Variants in NFIA observed in about 807,000 individuals in gnomAD.
NFIA encodes the protein nuclear factor I A.
Under a neutral mutation model 62.8 loss-of-function variants are expected in NFIA, and 8 were observed. That is an observed-to-expected ratio of 0.13 (90% CI 0.07 to 0.23). The LOEUF (loss-of-function observed/expected upper bound fraction) is 0.23, where lower values mean the gene tolerates loss of function less well. Among genes scored for constraint, NFIA ranks in the 10% least tolerant of loss-of-function variants. The probability of loss-of-function intolerance (pLI) is 1.00; values close to 1 mark genes in which losing one functional copy is unlikely to be tolerated. For synonymous variants in NFIA, 235 were observed against 238.1 expected (o/e 0.99, Z 0.12); for missense variants, 410 against 642.1 (o/e 0.64, Z 3.91).
chr1:61,361,782 G>GGTGTGT lies in NFIA; in HGVS notation c.946+2547_946+2552dup, dbSNP rs61410878. 4.3e-3 allele frequency among the ~76,000 whole-genome samples: 606 copies of GGTGTGT among 142,248 alleles called. 2 individuals are homozygous for GGTGTGT. The highest frequency in any genetic ancestry group is 4.8e-3 in the African/African-American group (182 of 37,992). 93.3% of individuals were successfully genotyped at this position (142,248 alleles called of 152,430 possible). A position where few individuals can be genotyped will look rare whatever the true frequency, so the allele number is the denominator to read the frequency against. On this transcript the variant is annotated intron_variant, in intron 6 of 10. Coordinates refer to ENST00000403491, the MANE Select transcript of NFIA (RefSeq NM_001134673.4). ...AATGGCTGAATCCTTTTTGGTAAGA[G>GGTGTGT]GTGTGTGTGTGTGTGTGTGTGTGTG... is the stretch of plus-strand genomic sequence containing the variant.
At chr1:61,253,238 A>G (rs1656163980) in intron 2 of NFIA, among the ~76,000 whole-genome samples, 2 of 152,220 alleles carry the variant, frequency 1.3e-5, no homozygotes, top group Admixed American at 1.3e-4. Flanking sequence ...GGTTAGTGTC[A>G]GAGAAGTCTG....
intron 10 of NFIA, among the ~76,000 whole-genome samples, chr1:61,451,956 C>G (rs1668076505): frequency 6.6e-6 from 1 of 152,120 alleles, no homozygotes; most frequent in Non-Finnish European, 1.5e-5. Flanking sequence ...CCCCAACGAT[C>G]GAATAAGCTC....
intron 2 of NFIA, among the ~76,000 whole-genome samples, chr1:61,255,480 A>G (rs1656324159): frequency 6.6e-6 from 1 of 152,218 alleles, no homozygotes; most frequent in Non-Finnish European, 1.5e-5. Context: ...AATGGGGCAT[A>G]AGTCCGAATT....
chr1:61,082,095 G>A (rs760176774), upstream of NFIA: 14 of 1,497,056 alleles, frequency 9.4e-6, no homozygotes, highest in Non-Finnish European at 1.3e-5. Flanking sequence ...ACGAGGAAAA[G>A]TAGTTTTGTT....
At chr1:61,215,464 TAA>T (rs35639143) in intron 2 of NFIA, among the ~76,000 whole-genome samples, 4 of 147,092 alleles carry the variant, frequency 2.7e-5, no homozygotes, top group East Asian at 3.9e-4. Flanking sequence ...TAGAACTAGT[TAA>T]AAAAAAAAAG....
rs1021051999 is a variant in NFIA at position 61,082,586 on chromosome 1, G to T, written c.-206G>T. ...GGGGTTAAAGTTCAGCTCATGGAGC[G>T]GCAATAGCGCTGGCTGGCTGGCTGC... On this transcript the variant is annotated 5_prime_UTR_variant, in exon 1 of 11. Transcript: ENST00000403491. The T allele has an allele frequency of 3.9e-5, 58 of 1,479,828 alleles. No individual in the cohort carries two copies. Among genetic ancestry groups the T allele is most frequent in the Non-Finnish European group, 5.1e-5 (57 of 1,111,156 alleles). 91.7% of individuals were successfully genotyped at this position (1,479,828 alleles called of 1,614,324 possible). A position where few individuals can be genotyped will look rare whatever the true frequency, so the allele number is the denominator to read the frequency against.
At chr1:61,224,141 G>C (rs1654182807) in intron 2 of NFIA, among the ~76,000 whole-genome samples, 1 of 151,858 alleles carries the variant, frequency 6.6e-6, no homozygotes, top group Non-Finnish European at 1.5e-5. Flanking sequence ...TTTAATATTA[G>C]TTTAATATTT....
At chr1:61,262,559 G>T (rs757676862) in intron 2 of NFIA, among the ~76,000 whole-genome samples, 4 of 152,110 alleles carry the variant, frequency 2.6e-5, no homozygotes, top group Non-Finnish European at 5.9e-5. Flanking sequence ...GCTGTAATGA[G>T]CATGAGTGTA....
chr1:61,446,508 A>G (rs1013559300), intron 10 of NFIA, among the ~76,000 whole-genome samples: 2 of 152,182 alleles, frequency 1.3e-5, no homozygotes, highest in African/African-American at 2.4e-5. Context: ...TAGAAAGACC[A>G]GGAACAGTGG....
chr1:61,434,015 A>G (rs145537370), intron 10 of NFIA, among the ~76,000 whole-genome samples: 1 of 152,290 alleles, frequency 6.6e-6, no homozygotes, highest in Admixed American at 6.5e-5. Context: ...AGGTTGTTCC[A>G]CTGAGCATCA....
intron 3 of NFIA, among the ~76,000 whole-genome samples, chr1:61,295,425 C>T (rs1025298844): frequency 6.6e-6 from 1 of 152,172 alleles, no homozygotes; most frequent in Admixed American, 6.5e-5. Flanking sequence ...CTCTCTTGCT[C>T]AGTCTTTTTC....
chr1:61,259,835 TG>T (rs1214888569), intron 2 of NFIA, among the ~76,000 whole-genome samples: 1 of 152,234 alleles, frequency 6.6e-6, no homozygotes, highest in Non-Finnish European at 1.5e-5. Flanking sequence ...TTTTAATTAA[TG>T]TTTTTAAATG....
At chr1:61,113,647 A>T (rs2100457382) in intron 2 of NFIA, among the ~76,000 whole-genome samples, 1 of 151,474 alleles carries the variant, frequency 6.6e-6, no homozygotes, top group African/African-American at 2.4e-5. Flanking sequence ...TCTGAAAGAG[A>T]ATTTATGCTG....
chr1:61,374,630 T>C lies in NFIA; in HGVS notation c.947-8607T>C, dbSNP rs755885857. Among the ~76,000 whole-genome samples, 88 of 152,288 alleles carry C rather than the reference T, an allele frequency of 5.8e-4. 1 individual carries two copies. Among genetic ancestry groups the C allele is most frequent in the Admixed American group, 9.2e-4 (14 of 15,278 alleles). Reference sequence around the variant, plus strand: ...TCATCGTTTCTTTCCCCCTGAATAATCCATGTAATTTTTACTCCATACTCC... The same window carrying C: ...TCATCGTTTCTTTCCCCCTGAATAACCCATGTAATTTTTACTCCATACTCC... On this transcript the variant is annotated intron_variant, in intron 6 of 10. Coordinates refer to ENST00000403491, the MANE Select transcript of NFIA (RefSeq NM_001134673.4).
At position 61,456,539 on chromosome 1, in the gene NFIA, A is replaced by G. The variant is rs942905576; in HGVS notation, c.*1219A>G. 1.3e-5 allele frequency: 2 copies of G among 152,056 alleles called. No homozygotes were observed. The highest frequency in any genetic ancestry group is 2.9e-5 in the Non-Finnish European group (2 of 67,964). The allele number at this position is 152,056 out of a possible 1,614,324, so 9.4% of individuals were successfully genotyped here. A position where few individuals can be genotyped will look rare whatever the true frequency, so the allele number is the denominator to read the frequency against. Reference sequence around the variant, plus strand: ...GAAGTCACTATAATGGATTACGCCAATTCTAAAAAATTTTACACCTATCTG... The same window carrying G: ...GAAGTCACTATAATGGATTACGCCAGTTCTAAAAAATTTTACACCTATCTG... On this transcript the variant is annotated 3_prime_UTR_variant, in exon 11 of 11. Transcript: ENST00000403491.
chr1:61,268,945 C>G (rs894282723), intron 2 of NFIA, among the ~76,000 whole-genome samples: 1 of 152,138 alleles, frequency 6.6e-6, no homozygotes. Flanking sequence ...CCCCCACCGT[C>G]CCCTGAACCC....
intron 3 of NFIA, among the ~76,000 whole-genome samples, chr1:61,311,198 C>A (rs1047482370): frequency 6.6e-6 from 1 of 152,122 alleles, no homozygotes; most frequent in Non-Finnish European, 1.5e-5. Flanking sequence ...TCGAGACCAG[C>A]CTGACCAACA....
rs1398768782 is a variant in NFIA, at chr1:61,321,411, GAGAA to G, written c.626-11098_626-11095del. 7.9e-5 allele frequency among the ~76,000 whole-genome samples: 12 copies of G among 151,878 alleles called. No individual in the cohort carries two copies. In the East Asian group the frequency reaches 2.3e-3, roughly 29 times the overall value. Reference sequence around the variant, plus strand: ...AATAATTTGTTGACATGACGAGAGAGAGAAAGGGAGGGAGGAAGGAAGGAAAGGA... The same window carrying G: ...AATAATTTGTTGACATGACGAGAGAGAGGGAGGGAGGAAGGAAGGAAAGGA... On this transcript the variant is annotated intron_variant, in intron 3 of 10. Coordinates refer to ENST00000403491, the MANE Select transcript of NFIA (RefSeq NM_001134673.4).
chr1:61,405,767 A>G (rs1665785963), intron 8 of NFIA, among the ~76,000 whole-genome samples: 2 of 152,228 alleles, frequency 1.3e-5, no homozygotes, highest in South Asian at 4.1e-4. Flanking sequence ...TATTTTGAAA[A>G]AATTGAAAAT....
Sources: gnomAD v4.1 joint callset for allele counts (sites outside exome capture counted in the v4.1 genomes callset) on GRCh38, gnomAD v4.1.1 for gene constraint, MANE v1.5 for transcripts, NCBI Gene and HGNC (gene_info 2026-07-23, HGNC 2026-07-21) for gene names.